RAB11FIP3: variants seen among roughly 807,000 people sequenced by gnomAD.
RAB11FIP3 encodes rab11 family-interacting protein 3.
RAB11FIP3 carries 17 observed loss-of-function variants against 77.8 expected under a neutral mutation model. The observed-to-expected ratio is 0.22, with a 90% confidence interval of 0.15 to 0.33. RAB11FIP3 has a LOEUF of 0.33. Among genes scored for constraint, RAB11FIP3 ranks in the 10% least tolerant of loss-of-function variants. RAB11FIP3 has a pLI of 1.00. For missense variants in RAB11FIP3, 1,005 were observed against 1,011.2 expected (o/e 0.99, Z 0.08); for synonymous variants, 437 against 448.2 (o/e 0.98, Z 0.31).
At chr16:488,177 G>C (rs572411835) in intron 4 of RAB11FIP3, among the ~76,000 whole-genome samples, 42 of 152,276 alleles carry the variant, frequency 2.8e-4, no homozygotes, top group Admixed American at 5.2e-4. Context: ...TCAGGAGATC[G>C]AGACCATCCT....
intron 4 of RAB11FIP3, among the ~76,000 whole-genome samples, chr16:484,152 A>G (rs1018418353): frequency 2.0e-5 from 3 of 152,160 alleles, no homozygotes; most frequent in Non-Finnish European, 2.9e-5. Flanking sequence ...TTGTAAGTGC[A>G]CAGCCAGCAG....
chr16:496,013 GT>G (rs2031095922), intron 5 of RAB11FIP3, among the ~76,000 whole-genome samples: 1 of 152,182 alleles, frequency 6.6e-6, no homozygotes, highest in Non-Finnish European at 1.5e-5. Context: ...GCCTCCCAAA[GT>G]GCTCAGATTG....
chr16:510,203 G>T (rs933464430), intron 8 of RAB11FIP3, among the ~76,000 whole-genome samples: 21 of 151,102 alleles, frequency 1.4e-4, no homozygotes, highest in South Asian at 4.2e-4. Flanking sequence ...GGCTCTGAGC[G>T]CACGCGTTGT....
chr16:453,825 G>A (rs950046938), intron 1 of RAB11FIP3, among the ~76,000 whole-genome samples: 2 of 151,870 alleles, frequency 1.3e-5, no homozygotes, highest in African/African-American at 4.8e-5. Flanking sequence ...GAACTCCAGA[G>A]CTCAGGCAAT....
chr16:442,066 T>C (rs1254572201), intron 1 of RAB11FIP3, among the ~76,000 whole-genome samples: 1 of 152,196 alleles, frequency 6.6e-6, no homozygotes, highest in African/African-American at 2.4e-5. Context: ...TCTCGTCTCC[T>C]GACCTCGTGA....
Position 496,814 on chromosome 16 carries a change from T to G in RAB11FIP3, c.1266-10T>G, listed in dbSNP as rs371680838. On this transcript the variant is annotated splice_polypyrimidine_tract_variant and intron_variant, in intron 5 of 13. Coordinates refer to ENST00000262305, the MANE Select transcript of RAB11FIP3 (RefSeq NM_014700.4). The stretch of plus-strand genomic sequence containing the variant: ...TAACAATTTTCCTGTTTATTTTGTT[T>G]TCTGCACAGTCCGACAAAGCGGCTC... 3.8e-5 allele frequency: 60 copies of G among 1,588,290 alleles called. No individual in the cohort carries two copies. Among genetic ancestry groups the G allele is most frequent in the Non-Finnish European group, 5.1e-5 (59 of 1,156,880 alleles).
intron 4 of RAB11FIP3, among the ~76,000 whole-genome samples, chr16:485,885 C>T (rs1026791760): frequency 2.6e-5 from 4 of 152,042 alleles, no homozygotes; most frequent in South Asian, 2.1e-4. Flanking sequence ...GATCTGTGAT[C>T]GCTACATAAT....
At chr16:485,658 A>G (rs2056139417) in intron 4 of RAB11FIP3, among the ~76,000 whole-genome samples, 1 of 152,160 alleles carries the variant, frequency 6.6e-6, no homozygotes. Flanking sequence ...TGATCCACCC[A>G]CGTTGGCCTC....
intron 2 of RAB11FIP3, among the ~76,000 whole-genome samples, chr16:468,181 CGTCAGGGAGGAGGTGCAGGGAA>C: frequency 2.1e-5 from 2 of 93,266 alleles, no homozygotes; most frequent in Admixed American, 1.2e-4. Flanking sequence ...GGTGCAGGGG[CGTCAGGGAGGAGGTGCAGGGAA>C]GTCAGGGAGG....
In RAB11FIP3 at chr16:462,115, C is replaced by G. The variant is rs767942233; in HGVS notation, c.808+618C>G. 2.6e-5 allele frequency among the ~76,000 whole-genome samples: 4 copies of G among 152,246 alleles called. No homozygotes were observed. The East Asian group carries it at 5.8e-4, about 22-fold the overall frequency. The stretch of plus-strand genomic sequence containing the variant: ...CTGGCAGTGCGGAGCCTGTCACGCA[C>G]ATCACTGTCCCCATGTGGGTGCCGC... On this transcript the variant is annotated intron_variant, in intron 2 of 13. Transcript: ENST00000262305.
chr16:426,796 C>A lies in RAB11FIP3; in HGVS notation c.714+76C>A, dbSNP rs116962191. 0.083 allele frequency: 102,492 copies of A among 1,227,704 alleles called. 4,767 individuals carry two copies. Among genetic ancestry groups the A allele is most frequent in the South Asian group, 0.13 (7,545 of 56,378 alleles). The allele number at this position is 1,227,704 out of a possible 1,614,324, so 76.1% of individuals were successfully genotyped here. On this transcript the variant is annotated intron_variant, in intron 1 of 13. Coordinates refer to ENST00000262305, the MANE Select transcript of RAB11FIP3 (RefSeq NM_014700.4). This position sits in a 1 kb window ranked among gnomAD's most constrained non-coding sequence, Gnocchi z 5.0. ...CCGGCGGGGTTGATGTGGGACCGGT[C>A]GACGCTGCCCCTGGAGTCGGGAAAG... is the stretch of plus-strand genomic sequence containing the variant.
At chr16:467,926 G>T (rs1390707547) in intron 2 of RAB11FIP3, among the ~76,000 whole-genome samples, 3 of 102,368 alleles carry the variant, frequency 2.9e-5, no homozygotes, top group Admixed American at 9.8e-5. Flanking sequence ...AGGGGCGTCA[G>T]GGAGGAGGTG....
Position 496,744 on chromosome 16 carries a change from C to T in RAB11FIP3, c.1266-80C>T. 7 of 1,449,114 alleles carry T rather than the reference C, an allele frequency of 4.8e-6. No individual in the cohort carries two copies. In the South Asian group the frequency reaches 6.9e-5, roughly 14 times the overall value. The allele number at this position is 1,449,114 out of a possible 1,614,324, so 89.8% of individuals were successfully genotyped here. On this transcript the variant is annotated intron_variant, in intron 5 of 13. Transcript: ENST00000262305. The stretch of plus-strand genomic sequence containing the variant: ...TGAAAGGCCGCCCACCTCGTATCTC[C>T]ACAGCCTGAGTTTCCTGCTTCCTCC...
chr16:482,464 G>A (rs986486761), intron 3 of RAB11FIP3, 61 bp from the exon 4 acceptor site: 13 of 1,489,640 alleles, frequency 8.7e-6, no homozygotes, highest in Non-Finnish European at 1.1e-5. Context: ...AGTGAGGTGT[G>A]GGGCGTTCGC....
At position 520,739 on chromosome 16, in the gene RAB11FIP3, T is replaced by C; in HGVS notation, c.2171T>C (p.Ile724Thr). 6.2e-7 allele frequency: 1 copy of C among 1,613,616 alleles called. No individual in the cohort carries two copies. The highest frequency in any genetic ancestry group is 8.5e-7 in the Non-Finnish European group (1 of 1,180,002). ...CTTGCCCTACAGCTCATGGAGGCGA[T>C]TCAGAAGCAGGAGGAGATCAACTTC... Reference protein sequence around the residue: ...SVSRDELMEAIQKQEEINFRL... With the variant: ...SVSRDELMEATQKQEEINFRL... The change falls in exon 14 of 14, where the codon ATT becomes ACT. Residue 724 changes from isoleucine to threonine, a missense_variant. Physicochemically the swap from Ile to Thr is moderately conservative, Grantham distance 89 (BLOSUM62 -1). Coordinates refer to ENST00000262305, the MANE Select transcript of RAB11FIP3 (RefSeq NM_014700.4).
chr16:519,624 G>A (rs989524524), intron 10 of RAB11FIP3, 130 bp from the exon 11 acceptor site: 30 of 1,246,512 alleles, frequency 2.4e-5, no homozygotes, highest in South Asian at 1.0e-4. Context: ...CAGCCCTGTC[G>A]CGCTCCAAGC....
chr16:500,276 C>G (rs2031418634), intron 6 of RAB11FIP3, among the ~76,000 whole-genome samples: 1 of 152,240 alleles, frequency 6.6e-6, no homozygotes, highest in South Asian at 2.1e-4. Flanking sequence ...CAGGCTCGAC[C>G]TACTGCCCTG....
At chr16:447,684 GC>G (rs1204364321) in intron 1 of RAB11FIP3, among the ~76,000 whole-genome samples, 2 of 152,190 alleles carry the variant, frequency 1.3e-5, no homozygotes, top group Non-Finnish European at 2.9e-5. Context: ...GTTGCAGTGA[GC>G]CGAGATCGCG....
rs1051332379 is a variant in RAB11FIP3 at position 472,325 on chromosome 16, G to A, written c.903+936G>A. ...CCTGGGGGTGGTTCTGCCTTACGGCGGTGTCCCAGTTATCAGCTGGGCTGC... is the reference window on the plus strand; with the variant it reads ...CCTGGGGGTGGTTCTGCCTTACGGCAGTGTCCCAGTTATCAGCTGGGCTGC... On this transcript the variant is annotated intron_variant, in intron 3 of 13. Coordinates refer to ENST00000262305, the MANE Select transcript of RAB11FIP3 (RefSeq NM_014700.4). This position sits in a 1 kb window ranked among gnomAD's most constrained non-coding sequence, Gnocchi z 4.1. 1.3e-4 allele frequency among the ~76,000 whole-genome samples: 20 copies of A among 152,218 alleles called. No homozygotes were observed. The highest frequency in any genetic ancestry group is 4.1e-4 in the African/African-American group (17 of 41,456).
Sources: allele counts gnomAD v4.1 joint callset (sites outside exome capture counted in the v4.1 genomes callset), GRCh38; gene constraint gnomAD v4.1.1; non-coding constraint Gnocchi (gnomAD v3.1); transcripts MANE v1.5; gene names NCBI Gene and HGNC (gene_info 2026-07-23, HGNC 2026-07-21).